Variants in ARL13B observed in about 807,000 individuals in gnomAD.
ARL13B encodes the protein ADP-ribosylation factor-like protein 13B.
In ARL13B, 36 loss-of-function variants were observed where a neutral mutation model predicts 56.1. The observed-to-expected ratio is 0.64, with a 90% CI of 0.49 to 0.85. The LOEUF is 0.85. ARL13B is among the 40% of genes least tolerant of loss of function. The pLI is 0.00. For synonymous variants in ARL13B, 178 were observed against 171.1 expected (o/e 1.04, Z -0.32); for missense variants, 519 against 507.1 (o/e 1.02, Z -0.23).
At chr3:94,046,745 T>C (rs1216901176) in intron 7 of ARL13B, among the ~76,000 whole-genome samples, 1 of 152,224 alleles carries the variant, frequency 6.6e-6, no homozygotes, top group African/African-American at 2.4e-5. Context: ...ATTTCCTTTA[T>C]TGACTGGCTA....
chr3:93,983,206 A>G (rs1710300260), intron 1 of ARL13B, among the ~76,000 whole-genome samples: 1 of 152,178 alleles, frequency 6.6e-6, no homozygotes, highest in African/African-American at 2.4e-5. Context: ...TGAGCATATT[A>G]TTCCAGACAT....
In ARL13B at chr3:94,054,794, T is replaced by G; in HGVS notation, c.*1531T>G. 1 of 390,794 alleles carries G rather than the reference T, an allele frequency of 2.6e-6. No individual in the cohort carries two copies. The highest frequency in any genetic ancestry group is 5.1e-6 in the Non-Finnish European group (1 of 197,448). The allele number at this position is 390,794 out of a possible 1,614,324, so 24.2% of individuals were successfully genotyped here. A position where few individuals can be genotyped will look rare whatever the true frequency, so the allele number is the denominator to read the frequency against. On this transcript the variant is annotated 3_prime_UTR_variant, in exon 10 of 10. Transcript: ENST00000394222. ...CCACACTGAGTGAGGTAAAAGCATT[T>G]GATTTCAGATCTAAAATTCGTAACA...
At chr3:94,018,483 T>C (rs1439209424) in intron 3 of ARL13B, among the ~76,000 whole-genome samples, 1 of 152,170 alleles carries the variant, frequency 6.6e-6, no homozygotes, top group Non-Finnish European at 1.5e-5. Context: ...TCCTGGCTAC[T>C]CCTTATCTCC....
chr3:93,999,334 TG>T (rs2076016904), intron 2 of ARL13B, among the ~76,000 whole-genome samples: 2 of 152,110 alleles, frequency 1.3e-5, no homozygotes, highest in African/African-American at 4.8e-5. Flanking sequence ...CTCAAACTCC[TG>T]GGCTCAAGCT....
chr3:93,984,749 G>A (rs1304099114), intron 1 of ARL13B, among the ~76,000 whole-genome samples: 1 of 152,166 alleles, frequency 6.6e-6, no homozygotes, highest in African/African-American at 2.4e-5. Context: ...GGCTGGGTGT[G>A]GTGGCTCACA....
intron 3 of ARL13B, among the ~76,000 whole-genome samples, chr3:94,034,506 A>ATT (rs57343083): frequency 1.4e-5 from 2 of 143,360 alleles, no homozygotes; most frequent in Admixed American, 7.0e-5. Context: ...ATTGAGTACA[A>ATT]TTTTTTTTTT....
At chr3:94,025,377 T>C (rs1277931914) in intron 3 of ARL13B, among the ~76,000 whole-genome samples, 3 of 152,202 alleles carry the variant, frequency 2.0e-5, no homozygotes, top group Admixed American at 1.3e-4. Context: ...TAAACGATGT[T>C]TAAAGTGAGC....
At chr3:94,038,434 G>A (rs1023793948) in intron 5 of ARL13B, among the ~76,000 whole-genome samples, 3 of 147,310 alleles carry the variant, frequency 2.0e-5, no homozygotes, top group Non-Finnish European at 4.4e-5. Flanking sequence ...CATTTACATT[G>A]CTATACCATA....
At chr3:93,987,204 G>A (rs907624806) in intron 1 of ARL13B, among the ~76,000 whole-genome samples, 1 of 151,584 alleles carries the variant, frequency 6.6e-6, no homozygotes, top group East Asian at 1.9e-4. Context: ...TATTGCCCAG[G>A]TTGGTCTCAA....
chr3:94,022,481 ATCT>A (rs781610860), intron 3 of ARL13B, among the ~76,000 whole-genome samples: 38 of 152,020 alleles, frequency 2.5e-4, no homozygotes, highest in Non-Finnish European at 3.8e-4. Context: ...TGTGGATTTA[ATCT>A]TCTCTCACAC....
At chr3:94,020,498 A>G (rs997440390) in intron 3 of ARL13B, among the ~76,000 whole-genome samples, 2 of 152,182 alleles carry the variant, frequency 1.3e-5, no homozygotes, top group Non-Finnish European at 2.9e-5. Flanking sequence ...TAGCTTTACT[A>G]TGCTATGAAG....
At chr3:94,009,920 A>G (rs1391066272) in intron 3 of ARL13B, among the ~76,000 whole-genome samples, 1 of 152,110 alleles carries the variant, frequency 6.6e-6, no homozygotes. Context: ...TGCCTTCCCT[A>G]TCACTTCAAT....
chr3:93,993,490 G>A (rs906604252), intron 1 of ARL13B, among the ~76,000 whole-genome samples: 5 of 152,136 alleles, frequency 3.3e-5, no homozygotes, highest in African/African-American at 1.2e-4. Context: ...ACACAATCAT[G>A]GCTCACTACA....
chr3:94,038,934 G>A (rs2076815986), intron 5 of ARL13B, among the ~76,000 whole-genome samples: 1 of 152,092 alleles, frequency 6.6e-6, no homozygotes, highest in African/African-American at 2.4e-5. Context: ...TAATCTGAAT[G>A]ATACATATGG....
At chr3:93,985,356 G>C (rs1266093182) in intron 1 of ARL13B, among the ~76,000 whole-genome samples, 1 of 152,124 alleles carries the variant, frequency 6.6e-6, no homozygotes, top group African/African-American at 2.4e-5. Context: ...TCTAGGTGAT[G>C]AAATAGTGCA....
rs759625669 is a variant in ARL13B at position 94,003,730 on chromosome 3, A to C, written c.202A>C (p.Thr68Pro). 3.7e-6 allele frequency: 6 copies of C among 1,613,596 alleles called. No homozygotes were observed. The African/African-American group carries it at 8.0e-5, about 22-fold the overall frequency. The part of the protein sequence containing the change: ...INLRQGKFEV[T>P]IFDLGGGIRI... ...CCTTAGACAAGGAAAGTTTGAAGTC[A>C]CCATCTTTGACTTGGGAGGTGGAAT... The change falls in exon 3 of 10, where the codon ACC (threonine) becomes CCC (proline). Residue 68 changes from threonine to proline, a missense_variant. Transcript: ENST00000394222.
At chr3:93,981,038 A>G (rs1192156350) in intron 1 of ARL13B, among the ~76,000 whole-genome samples, 1 of 152,196 alleles carries the variant, frequency 6.6e-6, no homozygotes, top group African/African-American at 2.4e-5. Context: ...AGAACAAGTG[A>G]TAGTGTTTTC....
chr3:93,989,561 T>C lies in ARL13B; in HGVS notation c.60-6313T>C, dbSNP rs1026371487. Reference sequence around the variant, plus strand: ...CAGAAAAATGCTATGGTTAATTTTTTTTTTTTTTTTTAAACAGCCTCATGC... The same window carrying C: ...CAGAAAAATGCTATGGTTAATTTTTCTTTTTTTTTTTAAACAGCCTCATGC... On this transcript the variant is annotated intron_variant, in intron 1 of 9. Coordinates refer to ENST00000394222, the MANE Select transcript of ARL13B (RefSeq NM_001174150.2). Among the ~76,000 whole-genome samples, 36 of 152,258 alleles carry C rather than the reference T, an allele frequency of 2.4e-4. No homozygotes were observed. In the East Asian group the frequency reaches 4.8e-3, roughly 20 times the overall value.
chr3:94,053,064 A>G (rs2077091456), intron 9 of ARL13B, 123 bp from the exon 10 acceptor site: 3 of 797,878 alleles, frequency 3.8e-6, no homozygotes, highest in Non-Finnish European at 6.3e-6. Context: ...GCATGTCAAG[A>G]TTCTGTAAGT....
Sources: allele counts gnomAD v4.1 joint callset (sites outside exome capture counted in the v4.1 genomes callset), GRCh38; gene constraint gnomAD v4.1.1; transcripts MANE v1.5; gene names NCBI Gene and HGNC (gene_info 2026-07-23, HGNC 2026-07-21).